Variants in TRIM24 observed in about 807,000 individuals in gnomAD.
TRIM24 encodes the protein transcription intermediary factor 1-alpha.
Under a neutral mutation model 123.9 loss-of-function variants are expected in TRIM24, and 29 were observed. The ratio of observed to expected loss-of-function variants is 0.23; its 90% CI spans 0.17 to 0.32. The LOEUF (loss-of-function observed/expected upper bound fraction) is 0.32. Among genes scored for constraint, TRIM24 ranks in the 10% least tolerant of loss-of-function variants. TRIM24 has a pLI of 1.00. For missense variants in TRIM24, 932 were observed against 1,295.3 expected, an observed-to-expected ratio of 0.72 and a Z score of 4.31; for synonymous variants, 456 against 461.1, an observed-to-expected ratio of 0.99 and a Z score of 0.14.
intron 1 of TRIM24, among the ~76,000 whole-genome samples, chr7:138,476,789 A>T (rs1438943978): frequency 6.6e-6 from 1 of 152,132 alleles, no homozygotes; most frequent in East Asian, 1.9e-4. Flanking sequence ...GGCAATCTCC[A>T]CTTCTAGGAA....
intron 16 of TRIM24, 117 bp from the exon 17 acceptor site, chr7:138,581,580 A>T (rs1797896282): frequency 3.7e-6 from 3 of 805,378 alleles, no homozygotes; most frequent in South Asian, 4.1e-5. Context: ...TTTTGTATTC[A>T]TCTGGGTTTT....
rs527415174 is a variant in TRIM24 at position 138,525,517 on chromosome 7, T to G, written c.881+160T>G. Among the ~76,000 whole-genome samples the G allele has an allele frequency of 3.9e-5, 6 of 152,330 alleles. No individual in the cohort carries two copies. The East Asian group carries it at 1.2e-3, about 29-fold the overall frequency. ...CCAGAAACTTAGTTGGAAAGCATTC[T>G]TTTCTGCTGTAAAATTTCAAAACTA... On this transcript the variant is annotated intron_variant, in intron 5 of 18. Coordinates refer to ENST00000343526, the MANE Select transcript of TRIM24 (RefSeq NM_015905.3).
At chr7:138,480,155 G>A (rs955932788) in intron 1 of TRIM24, among the ~76,000 whole-genome samples, 5 of 151,996 alleles carry the variant, frequency 3.3e-5, no homozygotes, top group African/African-American at 4.8e-5. Context: ...TTGTAGTGAC[G>A]AGGTCTCACT....
intron 1 of TRIM24, among the ~76,000 whole-genome samples, chr7:138,483,299 C>CTG (rs1795571544): frequency 6.6e-6 from 1 of 152,190 alleles, no homozygotes; most frequent in Admixed American, 6.5e-5. Flanking sequence ...AGTAAGTTCT[C>CTG]TGTAGCTTTG....
In TRIM24 at chr7:138,579,283, G is replaced by A. The variant is rs777215999; in HGVS notation, c.2336G>A (p.Arg779Lys). Residue 779 changes from arginine to lysine, a missense_variant, in exon 15 of 19, where the codon AGA becomes AAA. Coordinates refer to ENST00000343526, the MANE Select transcript of TRIM24 (RefSeq NM_015905.3). ...QSSTSEETVLRSDAPDSTGDQ... is the reference protein window; with the variant it reads ...QSSTSEETVLKSDAPDSTGDQ... ...TCTACTTCTGAGGAGACTGTGCTAA[G>A]ATCAGATGCCCCTGATAGTACAGGA... The A allele has an allele frequency of 1.2e-6, 2 of 1,614,160 alleles. No homozygotes were observed. Among genetic ancestry groups the A allele is most frequent in the South Asian group, 2.2e-5 (2 of 91,082 alleles).
At chr7:138,487,431 A>G (rs1478520163) in intron 1 of TRIM24, among the ~76,000 whole-genome samples, 1 of 152,062 alleles carries the variant, frequency 6.6e-6, no homozygotes, top group Non-Finnish European at 1.5e-5. Context: ...TTCAAAGGGA[A>G]TTTTTCAAAG....
At chr7:138,505,582 T>C (rs112015381) in intron 2 of TRIM24, among the ~76,000 whole-genome samples, 5,773 of 151,722 alleles carry the variant, frequency 0.038, 151 homozygotes, top group Middle Eastern at 0.088. Flanking sequence ...TGTTGCCCAG[T>C]CTGGAGTTCA....
At chr7:138,505,169 A>G (rs1796125539) in intron 2 of TRIM24, among the ~76,000 whole-genome samples, 1 of 152,214 alleles carries the variant, frequency 6.6e-6, no homozygotes, top group Non-Finnish European at 1.5e-5. Flanking sequence ...ATTTTAAAAG[A>G]ATATAAAGAA....
At chr7:138,570,650 T>TA (rs908479896) in intron 10 of TRIM24, among the ~76,000 whole-genome samples, 180 bp from the exon 11 acceptor site, 2 of 151,852 alleles carry the variant, frequency 1.3e-5, no homozygotes, top group African/African-American at 4.8e-5. Context: ...TTTGGTTTTT[T>TA]TTTTTTTTTG....
At chr7:138,508,022 G>T (rs1796187721) in intron 2 of TRIM24, among the ~76,000 whole-genome samples, 1 of 151,936 alleles carries the variant, frequency 6.6e-6, no homozygotes, top group South Asian at 2.1e-4. Context: ...AATATTATAG[G>T]TTTTTTTAAA....
intron 7 of TRIM24, among the ~76,000 whole-genome samples, chr7:138,549,242 C>T (rs1436579096): frequency 6.6e-6 from 1 of 152,030 alleles, no homozygotes; most frequent in Non-Finnish European, 1.5e-5. Flanking sequence ...TACATGTGGT[C>T]CATTGTTGAC....
At chr7:138,481,963 C>G (rs180775056) in intron 1 of TRIM24, among the ~76,000 whole-genome samples, 1 of 152,102 alleles carries the variant, frequency 6.6e-6, no homozygotes, top group African/African-American at 2.4e-5. Context: ...GCCCCATTAG[C>G]GGAAAATAGT....
chr7:138,515,452 T>A (rs1471806514), intron 3 of TRIM24, 93 bp downstream of exon 3: 4 of 1,435,120 alleles, frequency 2.8e-6, no homozygotes, highest in Non-Finnish European at 3.8e-6. Flanking sequence ...TTTGTTTTGA[T>A]AAGTATTAAA....
At chr7:138,568,144 A>C (rs557646272) in intron 10 of TRIM24, among the ~76,000 whole-genome samples, 42 of 151,872 alleles carry the variant, frequency 2.8e-4, no homozygotes, top group African/African-American at 9.2e-4. Context: ...TTTGAGACAG[A>C]GTCTCTCTCT....
At chr7:138,511,482 A>G (rs145452125) in intron 2 of TRIM24, among the ~76,000 whole-genome samples, 3,230 of 151,836 alleles carry the variant, frequency 0.021, 93 homozygotes, top group African/African-American at 0.071. Context: ...TAGAAACGGG[A>G]TTTCACCATG....
intron 1 of TRIM24, among the ~76,000 whole-genome samples, chr7:138,501,557 C>A (rs1050821460): frequency 6.6e-6 from 1 of 151,956 alleles, no homozygotes; most frequent in Non-Finnish European, 1.5e-5. Context: ...TTTTATGATA[C>A]CACTGACATA....
intron 4 of TRIM24, among the ~76,000 whole-genome samples, chr7:138,524,074 A>G (rs1406406560): frequency 6.6e-6 from 1 of 152,220 alleles, no homozygotes; most frequent in Non-Finnish European, 1.5e-5. Flanking sequence ...TAACATGCCA[A>G]AATCATTGAT....
At chr7:138,557,080 G>A (rs768444117) in intron 9 of TRIM24, among the ~76,000 whole-genome samples, 2 of 152,306 alleles carry the variant, frequency 1.3e-5, no homozygotes, top group Admixed American at 1.3e-4. Flanking sequence ...TTGAGTAATG[G>A]TAAGGGGCAT....
intron 1 of TRIM24, among the ~76,000 whole-genome samples, chr7:138,481,196 T>A (rs2116477309): frequency 6.6e-6 from 1 of 152,174 alleles, no homozygotes; most frequent in East Asian, 1.9e-4. Context: ...TTCTCCATGT[T>A]GGTCGGGCTG....
Sources: gnomAD v4.1 joint callset for allele counts (sites outside exome capture counted in the v4.1 genomes callset) on GRCh38, gnomAD v4.1.1 for gene constraint, MANE v1.5 for transcripts, NCBI Gene and HGNC (gene_info 2026-07-23, HGNC 2026-07-21) for gene names.